The following EPHA1 variants were observed in gnomAD, a reference collection of about 807,000 sequenced individuals.
The protein encoded by EPHA1 is EPH receptor A1.
EPHA1 carries 92 observed loss-of-function variants against 110.1 expected under a neutral mutation model. The observed-to-expected ratio is 0.84, with a 90% CI of 0.71 to 0.99. The LOEUF is 0.99. Among genes scored for constraint, EPHA1 ranks in the 50% least tolerant of loss-of-function variants. The pLI is 0.00. For synonymous variants in EPHA1, 500 were observed against 516.1 expected (o/e 0.97, Z 0.42); for missense variants, 1,204 against 1,285.4 (o/e 0.94, Z 0.97).
chr7:143,399,043 G>A (rs1805343309), intron 5 of EPHA1, 98 bp from the exon 6 acceptor site: 1 of 1,276,834 alleles, frequency 7.8e-7, no homozygotes, highest in African/African-American at 1.5e-5. Flanking sequence ...GATGTCCTCT[G>A]AAGTCCTCTT....
In EPHA1 at chr7:143,397,923, G is replaced by C. The variant is rs1332849160; in HGVS notation, c.1612C>G (p.Pro538Ala). ...SPDHEFRTSP[P>A]VSRGLTGGEI... The stretch of plus-strand genomic sequence containing the variant: ...GGCAGAGCACAAGATACCCCACCTG[G>C]TGGGCTGGTCCGAAACTCATGATCA... Residue 538 changes from proline (P) to alanine (A), a missense_variant, in exon 8 of 18, where the codon CCA becomes GCA. Pro to Ala is a conservative substitution (Grantham distance 27, BLOSUM62 -1). Coordinates refer to ENST00000275815, the MANE Select transcript of EPHA1 (RefSeq NM_005232.5). 5.6e-6 allele frequency: 9 copies of C among 1,613,988 alleles called. No individual in the cohort carries two copies. Among genetic ancestry groups the C allele is most frequent in the Non-Finnish European group, 7.6e-6 (9 of 1,179,876 alleles).
rs912785967 is a variant in EPHA1 at position 143,399,758 on chromosome 7, C to G, written c.728G>C (p.Gly243Ala). ...AGGGCTGCAGTGCATGCGGGGTGCA[C>G]CTGAGGGCCTGGGGCTGGCCCGCGC... ...PHARASPRPSGAPRMHCSPDG... is the reference protein window; with the variant it reads ...PHARASPRPSAAPRMHCSPDG... The change falls in exon 4 of 18, where the codon GGT becomes GCT. Residue 243 changes from glycine to alanine, a missense_variant. Coordinates refer to ENST00000275815, the MANE Select transcript of EPHA1 (RefSeq NM_005232.5). 6.2e-7 allele frequency: 1 copy of G among 1,613,450 alleles called. No individual in the cohort carries two copies. Among genetic ancestry groups the G allele is most frequent in the East Asian group, 2.2e-5 (1 of 44,886 alleles).
chr7:143,407,666 TCCATCA>T lies in EPHA1; in HGVS notation c.89_94del (p.Leu30_Asp32delinsHis). The stretch of plus-strand genomic sequence containing the variant: ...CAGCTCTCCCTGTGCCTTGCTTGTG[TCCATCA>T]GAGTAACTGAAAGTGGGGAGAAAAG... On this transcript the variant is annotated inframe_deletion, in exon 2 of 18. Transcript: ENST00000275815. 1 of 1,613,450 alleles carries T rather than the reference TCCATCA, an allele frequency of 6.2e-7. No individual in the cohort carries two copies. Among genetic ancestry groups the T allele is most frequent in the Non-Finnish European group, 8.5e-7 (1 of 1,179,700 alleles).
rs776377613 is a variant in EPHA1, at chr7:143,398,732, G to C, written c.1205C>G (p.Pro402Arg). Residue 402 changes from proline to arginine, a missense_variant, in exon 6 of 18, where the codon CCT becomes CGT. Physicochemically the swap from Pro to Arg is moderately radical, Grantham distance 103. Transcript: ENST00000275815. ...TTCAAGGCCATTGACATGCACTGCAGGTGTGGTGAGCCCCCGGGCCCCCGG... is the reference window on the plus strand; with the variant it reads ...TTCAAGGCCATTGACATGCACTGCACGTGTGGTGAGCCCCCGGGCCCCCGG... ...FSPGARGLTT[P>R]AVHVNGLEPY... 2 of 1,614,088 alleles carry C rather than the reference G, an allele frequency of 1.2e-6. No homozygotes were observed. The highest frequency in any genetic ancestry group is 1.7e-5 in the Admixed American group (1 of 60,022).
At chr7:143,392,398 C>T (rs1007111135) in intron 16 of EPHA1, among the ~76,000 whole-genome samples, 1 of 152,140 alleles carries the variant, frequency 6.6e-6, no homozygotes, top group East Asian at 1.9e-4. Context: ...AGTTGCGCTC[C>T]AAAAGATAGT....
rs200904525 is a variant in EPHA1, at chr7:143,395,355, G to T, written c.2047C>A (p.Pro683Thr). 20 of 1,614,050 alleles carry T rather than the reference G, an allele frequency of 1.2e-5. No individual in the cohort carries two copies. In the African/African-American group the frequency reaches 2.7e-4, roughly 22 times the overall value. The part of the protein sequence containing the change: ...EATIMGQFSH[P>T]HILHLEGVVT... ...ACGCCTTCCAGATGCAGAATATGCG[G>T]GTGGCTAAACTGGCCCATGATAGTT... The change falls in exon 12 of 18, where the codon CCG becomes ACG. Residue 683 changes from proline (P) to threonine (T), a missense_variant. By Grantham distance (38) the Pro-to-Thr change is conservative. Coordinates refer to ENST00000275815, the MANE Select transcript of EPHA1 (RefSeq NM_005232.5). This position sits in a 1 kb window ranked among gnomAD's most constrained non-coding sequence, Gnocchi z 4.7.
intron 16 of EPHA1, among the ~76,000 whole-genome samples, chr7:143,392,042 C>G (rs1170729733): frequency 6.6e-6 from 1 of 152,220 alleles, no homozygotes; most frequent in Non-Finnish European, 1.5e-5. Context: ...AGGGGATCAC[C>G]AGCCGGTCTC....
intron 1 of EPHA1, among the ~76,000 whole-genome samples, chr7:143,408,220 G>A (rs1168036773): frequency 1.3e-5 from 2 of 152,196 alleles, no homozygotes; most frequent in Admixed American, 6.5e-5. Context: ...GAGTAAGGCC[G>A]GAGAGGGTGT....
rs1364115555 is a variant in EPHA1 at position 143,395,165 on chromosome 7, T to A, written c.2101A>T (p.Ile701Phe). 6.2e-7 allele frequency: 1 copy of A among 1,613,768 alleles called. No homozygotes were observed. Among genetic ancestry groups the A allele is most frequent in the Non-Finnish European group, 8.5e-7 (1 of 1,180,048 alleles). ...VVTKRKPIMI[I>F]TEFMENGALD... ...GCTCCATTCTCCATAAATTCTGTGA[T>A]GATCATGATCGGCTTTCCTGAGACA... Residue 701 changes from isoleucine (I) to phenylalanine (F), a missense_variant, in exon 13 of 18, where the codon ATC becomes TTC. Coordinates refer to ENST00000275815, the MANE Select transcript of EPHA1 (RefSeq NM_005232.5). The surrounding 1 kb of genome is among the most constrained non-coding windows in gnomAD (Gnocchi z 4.7).
Position 143,395,106 on chromosome 7 carries a change from C to G in EPHA1, c.2145+15G>C. ...GGTGCATCCCCCTCCCCAGCTAGTC[C>G]TCTGCCCTCCTCACCCTCAGGAAGG... is the stretch of plus-strand genomic sequence containing the variant. On this transcript the variant is annotated intron_variant, in intron 13 of 17. Transcript: ENST00000275815. The surrounding 1 kb of genome is among the most constrained non-coding windows in gnomAD (Gnocchi z 4.7). 1 of 1,614,068 alleles carries G rather than the reference C, an allele frequency of 6.2e-7. No individual in the cohort carries two copies. The highest frequency in any genetic ancestry group is 8.5e-7 in the Non-Finnish European group (1 of 1,180,020).
At chr7:143,400,387 T>C (rs1805385411) in intron 3 of EPHA1, among the ~76,000 whole-genome samples, 1 of 152,230 alleles carries the variant, frequency 6.6e-6, no homozygotes, top group Non-Finnish European at 1.5e-5. Context: ...ATTTCTGCTA[T>C]TCAGAGGCAT....
At chr7:143,406,294 G>A (rs530919886) in intron 2 of EPHA1, among the ~76,000 whole-genome samples, 191 of 152,246 alleles carry the variant, frequency 1.3e-3, no homozygotes, top group Non-Finnish European at 2.2e-3. Flanking sequence ...AATTAATCAC[G>A]CCTATGTAAT....
At position 143,391,781 on chromosome 7, in the gene EPHA1, G is replaced by A; in HGVS notation, c.2697-6C>T. 6.2e-7 allele frequency: 1 copy of A among 1,613,346 alleles called. No homozygotes were observed. Among genetic ancestry groups the A allele is most frequent in the Non-Finnish European group, 8.5e-7 (1 of 1,179,774 alleles). ...TGGGCAGGCGAAGAGTCATCCTGTG[G>A]GACATGGGCATGTCAGTCACAGCGG... On this transcript the variant is annotated splice_region_variant and splice_polypyrimidine_tract_variant and intron_variant, in intron 16 of 17. Coordinates refer to ENST00000275815, the MANE Select transcript of EPHA1 (RefSeq NM_005232.5).
rs931346217 is a variant in EPHA1 at position 143,399,384 on chromosome 7, T to C, written c.865A>G (p.Met289Val). The change falls in exon 5 of 18, where the codon ATG (methionine) becomes GTG (valine). Residue 289 changes from methionine to valine, a missense_variant. Transcript: ENST00000275815. ...CACGTGAGACAATGGGGTGTGTCCA[T>C]GTCCATCCGGTAGGAGCCGCTAGGG... ...ACPSGSYRMD[M>V]DTPHCLTCPQ... 2.5e-6 allele frequency: 4 copies of C among 1,602,480 alleles called. No homozygotes were observed. Among genetic ancestry groups the C allele is most frequent in the Admixed American group, 1.7e-5 (1 of 58,476 alleles).
In EPHA1 at chr7:143,391,450, G is replaced by A. The variant is rs1294780899; in HGVS notation, c.*7C>T. 6.2e-7 allele frequency: 1 copy of A among 1,614,060 alleles called. No homozygotes were observed. Among genetic ancestry groups the A allele is most frequent in the Admixed American group, 1.7e-5 (1 of 60,010 alleles). On this transcript the variant is annotated 3_prime_UTR_variant, in exon 18 of 18. Transcript: ENST00000275815. ...CACCCTGATTGGGCATGGGGTGAGA[G>A]GAGGGATCAGTCCTTGAATCCCTGA...
At chr7:143,392,701 T>C (rs1805124170) in intron 16 of EPHA1, among the ~76,000 whole-genome samples, 1 of 152,250 alleles carries the variant, frequency 6.6e-6, no homozygotes, top group African/African-American at 2.4e-5. Flanking sequence ...CCCAGCACTT[T>C]GGGAGGCCGA....
At chr7:143,398,183 G>T (rs777619738) in intron 7 of EPHA1, 113 bp from the exon 8 acceptor site, 98 of 1,574,296 alleles carry the variant, frequency 6.2e-5, no homozygotes, top group Non-Finnish European at 8.1e-5. Flanking sequence ...TTAGGACAGG[G>T]TTCTTCATAG....
chr7:143,405,458 T>TGTGTG (rs1487924477), intron 2 of EPHA1, among the ~76,000 whole-genome samples: 1 of 151,774 alleles, frequency 6.6e-6, no homozygotes, highest in Non-Finnish European at 1.5e-5. Context: ...TGTGTGTGTG[T>TGTGTG]GTGTTTTGAA....
At chr7:143,405,374 C>T (rs1805520119) in intron 2 of EPHA1, among the ~76,000 whole-genome samples, 1 of 152,140 alleles carries the variant, frequency 6.6e-6, no homozygotes, top group African/African-American at 2.4e-5. Context: ...GCTTATCACT[C>T]AGGCGCTGCT....
Sources: allele counts gnomAD v4.1 joint callset (sites outside exome capture counted in the v4.1 genomes callset), GRCh38; gene constraint gnomAD v4.1.1; non-coding constraint Gnocchi (gnomAD v3.1); transcripts MANE v1.5; gene names NCBI Gene and HGNC (gene_info 2026-07-23, HGNC 2026-07-21).